BARD1: variants seen among roughly 807,000 people sequenced by gnomAD.
BARD1 encodes BRCA1-associated RING domain protein 1.
A neutral mutation model predicts 77.0 loss-of-function variants in BARD1; 73 were observed. The ratio of observed to expected loss-of-function variants is 0.95; its 90% CI spans 0.79 to 1.15. BARD1 has a LOEUF of 1.15. Among genes scored for constraint, BARD1 ranks in the 50% most tolerant of loss-of-function variants. BARD1 has a pLI of 0.00. For missense variants in BARD1, 993 were observed against 938.8 expected (o/e 1.06, Z -0.75); for synonymous variants, 384 against 338.0 (o/e 1.14, Z -1.49).
chr2:214,779,275 T>A (rs931733272), intron 4 of BARD1, among the ~76,000 whole-genome samples: 3 of 152,164 alleles, frequency 2.0e-5, no homozygotes, highest in African/African-American at 7.2e-5. Context: ...TATAAAATGA[T>A]GTATTTGCAA....
At chr2:214,761,633 TCAAAAA>T (rs1470999872) in intron 6 of BARD1, among the ~76,000 whole-genome samples, 3 of 151,852 alleles carry the variant, frequency 2.0e-5, no homozygotes, top group Non-Finnish European at 4.4e-5. Context: ...AGACCCTATC[TCAAAAA>T]CAAAAACAAA....
At chr2:214,729,781 C>T (rs1238359882) in intron 10 of BARD1, among the ~76,000 whole-genome samples, 2 of 152,056 alleles carry the variant, frequency 1.3e-5, no homozygotes, top group Non-Finnish European at 2.9e-5. Context: ...ACATCTTTTC[C>T]GTGGACTTTT....
At chr2:214,758,188 C>T (rs1161705770) in intron 6 of BARD1, among the ~76,000 whole-genome samples, 1 of 152,174 alleles carries the variant, frequency 6.6e-6, no homozygotes, top group African/African-American at 2.4e-5. Context: ...ACTGCCTGAA[C>T]TTACATTTCA....
At chr2:214,751,079 CTGTGTGTGTG>C (rs760986670) in intron 7 of BARD1, among the ~76,000 whole-genome samples, 433 of 39,348 alleles carry the variant, frequency 0.011, 12 homozygotes, top group East Asian at 0.031. Context: ...CTGTGAAATT[CTGTGTGTGTG>C]TGTGTGTGTG....
Position 214,731,988 on chromosome 2 carries a change from G to A in BARD1, c.1904-1480C>T, listed in dbSNP as rs77373210. On this transcript the variant is annotated intron_variant, in intron 9 of 10. Coordinates refer to ENST00000260947, the MANE Select transcript of BARD1 (RefSeq NM_000465.4). ...CTGTAAGAGTTCAGAGTTACACATA[G>A]TTTTGAATATCAAACTGTTACATCC... is the stretch of plus-strand genomic sequence containing the variant. Among the ~76,000 whole-genome samples the A allele has an allele frequency of 3.3e-5, 5 of 152,286 alleles. No individual in the cohort carries two copies. The East Asian group carries it at 7.7e-4, about 23-fold the overall frequency.
intron 9 of BARD1, among the ~76,000 whole-genome samples, chr2:214,734,653 T>C (rs1692493854): frequency 6.6e-6 from 1 of 152,164 alleles, no homozygotes; most frequent in Non-Finnish European, 1.5e-5. Flanking sequence ...TACTCATAAA[T>C]CATAAGGCCT....
intron 4 of BARD1, among the ~76,000 whole-genome samples, chr2:214,773,672 T>C (rs1694614099): frequency 1.3e-5 from 2 of 152,198 alleles, no homozygotes; most frequent in Admixed American, 1.3e-4. Context: ...AAAATAACTT[T>C]ATTGCTAAAA....
intron 2 of BARD1, among the ~76,000 whole-genome samples, chr2:214,793,705 C>A (rs1262897178): frequency 6.6e-6 from 1 of 152,020 alleles, no homozygotes; most frequent in African/African-American, 2.4e-5. Context: ...TTTTATATTT[C>A]TATAACATTT....
chr2:214,747,694 T>C (rs1348828371), intron 7 of BARD1, among the ~76,000 whole-genome samples: 2 of 105,972 alleles, frequency 1.9e-5, no homozygotes, highest in Non-Finnish European at 3.5e-5. Context: ...CATCACACTC[T>C]GGGGACTGTT....
At chr2:214,780,289 G>C (rs573901904) in intron 4 of BARD1, among the ~76,000 whole-genome samples, 1 of 152,280 alleles carries the variant, frequency 6.6e-6, no homozygotes, top group African/African-American at 2.4e-5. Context: ...AGGTAAAATA[G>C]ACAAAAGCAA....
chr2:214,755,989 C>T (rs1693677684), intron 6 of BARD1, among the ~76,000 whole-genome samples: 1 of 152,150 alleles, frequency 6.6e-6, no homozygotes, highest in Non-Finnish European at 1.5e-5. Context: ...ACAGTCAGTT[C>T]TTTTAATGCC....
rs113404957 is a variant in BARD1, at chr2:214,740,889, A to G, written c.1903+4178T>C. On this transcript the variant is annotated intron_variant, in intron 9 of 10. Coordinates refer to ENST00000260947, the MANE Select transcript of BARD1 (RefSeq NM_000465.4). ...AGCATAAAGTTGCCTAATCAATCTT[A>G]ATTTATACGAATGTTTTTTTTTAAA... is the stretch of plus-strand genomic sequence containing the variant. 2.7e-3 allele frequency among the ~76,000 whole-genome samples: 414 copies of G among 151,770 alleles called. 3 individuals are homozygous for G. The highest frequency in any genetic ancestry group is 9.4e-3 in the African/African-American group (386 of 41,162).
At chr2:214,755,637 G>T (rs933496742) in intron 6 of BARD1, among the ~76,000 whole-genome samples, 1 of 152,192 alleles carries the variant, frequency 6.6e-6, no homozygotes, top group Non-Finnish European at 1.5e-5. Context: ...TTAAGGGGCC[G>T]TGTAGGGAAT....
At chr2:214,754,379 A>C (rs957696639) in intron 6 of BARD1, among the ~76,000 whole-genome samples, 1 of 152,002 alleles carries the variant, frequency 6.6e-6, no homozygotes, top group Non-Finnish European at 1.5e-5. Context: ...CCATGCATAC[A>C]CTAGGACTTT....
intron 5 of BARD1, among the ~76,000 whole-genome samples, chr2:214,767,960 A>G (rs769737506): frequency 1.5e-5 from 2 of 134,076 alleles, no homozygotes; most frequent in Non-Finnish European, 3.2e-5. Flanking sequence ...AATGTTCTAC[A>G]ATAAATGTAA....
At chr2:214,794,786 T>G (rs1695685182) in intron 2 of BARD1, among the ~76,000 whole-genome samples, 1 of 152,164 alleles carries the variant, frequency 6.6e-6, no homozygotes, top group African/African-American at 2.4e-5. Flanking sequence ...TGCTGAGCAG[T>G]TTTAACTCAA....
At chr2:214,777,201 T>C (rs1325707121) in intron 4 of BARD1, among the ~76,000 whole-genome samples, 1 of 152,308 alleles carries the variant, frequency 6.6e-6, no homozygotes, top group African/African-American at 2.4e-5. Context: ...GAAGTTTGTT[T>C]TGGCACCAAT....
Position 214,747,106 on chromosome 2 carries a change from T to C in BARD1, c.1678-1252A>G, listed in dbSNP as rs1375132776. Among the ~76,000 whole-genome samples the C allele has an allele frequency of 5.3e-5, 8 of 151,454 alleles. 1 individual carries two copies. The highest frequency in any genetic ancestry group is 7.4e-5 in the Non-Finnish European group (5 of 67,714). On this transcript the variant is annotated intron_variant, in intron 7 of 10. Transcript: ENST00000260947. Reference sequence around the variant, plus strand: ...TGCAGCCAAAAAACACATGAAAAAATGCTCATCATCACTGGCCATCAGAGA... The same window carrying C: ...TGCAGCCAAAAAACACATGAAAAAACGCTCATCATCACTGGCCATCAGAGA...
rs748347675 is a variant in BARD1 at position 214,729,027 on chromosome 2, AT to A, written c.2002-20del. On this transcript the variant is annotated intron_variant, in intron 10 of 10. Transcript: ENST00000260947. ...TTGGCAACTGAAATAATGAGAAAAC[AT>A]TTGTTAAAGGCAGATCAAAATACTG... 4 of 1,611,376 alleles carry A rather than the reference AT, an allele frequency of 2.5e-6. No individual in the cohort carries two copies. Among genetic ancestry groups the A allele is most frequent in the Non-Finnish European group, 3.4e-6 (4 of 1,177,970 alleles).
Sources: allele counts gnomAD v4.1 joint callset (sites outside exome capture counted in the v4.1 genomes callset), GRCh38; gene constraint gnomAD v4.1.1; transcripts MANE v1.5; gene names NCBI Gene and HGNC (gene_info 2026-07-23, HGNC 2026-07-21).